RPIA: variants seen among roughly 807,000 people sequenced by gnomAD.
RPIA encodes the protein ribose 5-phosphate isomerase A, also known as ribose-5-phosphate isomerase.
In RPIA, 29 loss-of-function variants were observed where a neutral mutation model predicts 37.8. That is an observed-to-expected ratio of 0.77 (90% confidence interval 0.57 to 1.05). The LOEUF (loss-of-function observed/expected upper bound fraction) is 1.05. Among genes scored for constraint, RPIA ranks in the 50% least tolerant of loss-of-function variants. The pLI is 0.00. For synonymous variants in RPIA, 167 were observed against 157.0 expected (o/e 1.06, Z -0.48); for missense variants, 385 against 413.6 (o/e 0.93, Z 0.60).
At chr2:88,736,388 C>G (rs1673315922) in intron 6 of RPIA, 147 bp from the exon 7 acceptor site, 1 of 731,898 alleles carries the variant, frequency 1.4e-6, no homozygotes. Context: ...AGTGAAACAG[C>G]TAATTCATTT....
intron 3 of RPIA, among the ~76,000 whole-genome samples, chr2:88,722,244 AG>A (rs1369287691): frequency 6.6e-6 from 1 of 152,102 alleles, no homozygotes; most frequent in Non-Finnish European, 1.5e-5. Context: ...CCTTTAAAAA[AG>A]CTTTGAACCA....
In RPIA at chr2:88,737,959, T is replaced by G; in HGVS notation, c.739-18T>G. 6.3e-7 allele frequency: 1 copy of G among 1,594,078 alleles called. No homozygotes were observed. The highest frequency in any genetic ancestry group is 2.2e-5 in the East Asian group (1 of 44,768). ...CCTGTATCTGCATCCTTGGTCACTG[T>G]GGAAAATTATCTTCTAGGGTCCTGT... is the stretch of plus-strand genomic sequence containing the variant. On this transcript the variant is annotated intron_variant, in intron 7 of 8. Transcript: ENST00000283646.
intron 3 of RPIA, among the ~76,000 whole-genome samples, chr2:88,719,139 C>A (rs1224043993): frequency 6.6e-6 from 1 of 152,068 alleles, no homozygotes; most frequent in Non-Finnish European, 1.5e-5. Flanking sequence ...TATAAAGCCA[C>A]CTTCTAAAGA....
chr2:88,699,935 C>A (rs750960377), intron 2 of RPIA, 74 bp from the exon 3 acceptor site: 20 of 1,500,994 alleles, frequency 1.3e-5, no homozygotes, highest in Admixed American at 1.0e-4. Flanking sequence ...CTGTTGGTTT[C>A]GAGCAAACAC....
Position 88,738,936 on chromosome 2 carries a change from C to T in RPIA, c.838+860C>T, listed in dbSNP as rs139525793. On this transcript the variant is annotated intron_variant, in intron 8 of 8. Coordinates refer to ENST00000283646, the MANE Select transcript of RPIA (RefSeq NM_144563.3). ...AATGCTTACTTGCTGAAGCACCAGGCGAGGAGAGGCTGTGTGAAATGAACA... is the reference window on the plus strand; with the variant it reads ...AATGCTTACTTGCTGAAGCACCAGGTGAGGAGAGGCTGTGTGAAATGAACA... 2.1e-4 allele frequency among the ~76,000 whole-genome samples: 32 copies of T among 152,196 alleles called. No individual in the cohort carries two copies. The East Asian group carries it at 4.1e-3, about 19-fold the overall frequency.
chr2:88,747,732 C>G (rs1673455960), intron 8 of RPIA, among the ~76,000 whole-genome samples: 2 of 152,228 alleles, frequency 1.3e-5, no homozygotes, highest in Non-Finnish European at 2.9e-5. Flanking sequence ...CTCCTGTGAT[C>G]TGGATTTTTC....
intron 8 of RPIA, among the ~76,000 whole-genome samples, chr2:88,745,531 T>C (rs561466194): frequency 6.6e-6 from 1 of 152,360 alleles, no homozygotes; most frequent in South Asian, 2.1e-4. Flanking sequence ...CTTCCTTATT[T>C]ATGAAGCTTA....
intron 2 of RPIA, 134 bp from the exon 3 acceptor site, chr2:88,699,875 G>A: frequency 2.3e-6 from 2 of 877,184 alleles, no homozygotes; most frequent in Admixed American, 1.9e-5. Flanking sequence ...ACCAAGGAGG[G>A]GGACACAGGA....
At chr2:88,703,025 AGC>A (rs1266513514) in intron 3 of RPIA, among the ~76,000 whole-genome samples, 6 of 152,200 alleles carry the variant, frequency 3.9e-5, no homozygotes, top group Non-Finnish European at 7.3e-5. Context: ...CAAATCTTAA[AGC>A]GCCAAAATGA....
chr2:88,749,883 C>CTG (rs1476080236), intron 8 of RPIA, 98 bp from the exon 9 acceptor site: 4 of 769,100 alleles, frequency 5.2e-6, no homozygotes, highest in Non-Finnish European at 9.3e-6. Context: ...TCGTCCAATG[C>CTG]TGTGTATGAC....
rs747444505 is a variant in RPIA, at chr2:88,750,091, C to G, written c.*13C>G. The G allele has an allele frequency of 1.3e-6, 2 of 1,585,300 alleles. No individual in the cohort carries two copies. Among genetic ancestry groups the G allele is most frequent in the Non-Finnish European group, 1.7e-6 (2 of 1,155,392 alleles). On this transcript the variant is annotated 3_prime_UTR_variant, in exon 9 of 9. Coordinates refer to ENST00000283646, the MANE Select transcript of RPIA (RefSeq NM_144563.3). ...GCCTTTCTGTTGACCCTGCAAGGAG[C>G]AGAGTGTGTTCACCTTGAGTCTCCA...
intron 4 of RPIA, 73 bp downstream of exon 4, chr2:88,729,410 G>C: frequency 2.9e-6 from 4 of 1,369,480 alleles, no homozygotes; most frequent in Non-Finnish European, 4.2e-6. Context: ...TTGTTCATGG[G>C]CTCCAGATAT....
chr2:88,726,601 A>AC (rs1673199933), intron 3 of RPIA, among the ~76,000 whole-genome samples: 1 of 152,222 alleles, frequency 6.6e-6, no homozygotes, highest in African/African-American at 2.4e-5. Context: ...AATTAATGCT[A>AC]CATTCATGTA....
At chr2:88,736,512 A>G (rs776823405) in intron 6 of RPIA, 23 bp from the exon 7 acceptor site, 6 of 1,613,892 alleles carry the variant, frequency 3.7e-6, no homozygotes, top group Admixed American at 3.3e-5. Flanking sequence ...CTTTTATTGT[A>G]CTTTCTGACT....
chr2:88,740,237 G>T (rs73954322), intron 8 of RPIA, among the ~76,000 whole-genome samples: 1 of 152,102 alleles, frequency 6.6e-6, no homozygotes, highest in Non-Finnish European at 1.5e-5. Context: ...GCTGCTTAAG[G>T]TTCTGAAATG....
chr2:88,700,878 C>T (rs894100929), intron 3 of RPIA, among the ~76,000 whole-genome samples: 6 of 152,098 alleles, frequency 3.9e-5, no homozygotes, highest in Admixed American at 6.6e-5. Flanking sequence ...TATAATCTCT[C>T]GCTGGATTAG....
Position 88,711,929 on chromosome 2 carries a change from C to T in RPIA, c.402+11865C>T, listed in dbSNP as rs111973839. On this transcript the variant is annotated intron_variant, in intron 3 of 8. Coordinates refer to ENST00000283646, the MANE Select transcript of RPIA (RefSeq NM_144563.3). ...CTGAGGTGTGAGGATTGCTTGAGCT[C>T]AGTTCGAGACCAGCCTGAGCAACAT... Among the ~76,000 whole-genome samples, 4 of 152,226 alleles carry T rather than the reference C, an allele frequency of 2.6e-5. No individual in the cohort carries two copies. In the East Asian group the frequency reaches 7.7e-4, roughly 29 times the overall value.
intron 3 of RPIA, among the ~76,000 whole-genome samples, chr2:88,727,151 A>G (rs1443440206): frequency 6.6e-6 from 1 of 152,202 alleles, no homozygotes; most frequent in Non-Finnish European, 1.5e-5. Flanking sequence ...GGAGCATGCC[A>G]GTCTGCAGCC....
At chr2:88,716,967 T>C (rs149934964) in intron 3 of RPIA, among the ~76,000 whole-genome samples, 15 of 152,272 alleles carry the variant, frequency 9.9e-5, no homozygotes, top group East Asian at 3.9e-4. Context: ...AGAGATACGA[T>C]TGGACAAAAA....
Sources: gnomAD v4.1 joint callset for allele counts (sites outside exome capture counted in the v4.1 genomes callset) on GRCh38, gnomAD v4.1.1 for gene constraint, MANE v1.5 for transcripts, NCBI Gene and HGNC (gene_info 2026-07-23, HGNC 2026-07-21) for gene names.